ASCC3: variants seen among roughly 807,000 people sequenced by gnomAD.
ASCC3 encodes ASC-1 complex subunit P200.
ASCC3 carries 158 observed loss-of-function variants against 256.3 expected under a neutral mutation model. That is an observed-to-expected ratio of 0.62 (90% CI 0.54 to 0.70). The LOEUF (loss-of-function observed/expected upper bound fraction) is 0.70. ASCC3 is among the 30% of genes least tolerant of loss of function. ASCC3 has a pLI of 0.00. For synonymous variants in ASCC3, 948 were observed against 883.4 expected, an observed-to-expected ratio of 1.07 and a Z score of -1.30; for missense variants, 2,259 against 2,626.0, an observed-to-expected ratio of 0.86 and a Z score of 3.05.
At chr6:100,730,694 A>G (rs1181105297) in intron 10 of ASCC3, among the ~76,000 whole-genome samples, 4 of 152,128 alleles carry the variant, frequency 2.6e-5, no homozygotes, top group African/African-American at 7.2e-5. Context: ...AGTTATACTA[A>G]CCTCTGATAT....
chr6:100,530,954 G>T, intron 37 of ASCC3: 5 of 1,462,458 alleles, frequency 3.4e-6, no homozygotes, highest in Non-Finnish European at 4.8e-6. Flanking sequence ...TGCAAATCAC[G>T]TGTCTAATTA....
At chr6:100,692,895 C>T (rs1281859311) in intron 13 of ASCC3, among the ~76,000 whole-genome samples, 1 of 151,896 alleles carries the variant, frequency 6.6e-6, no homozygotes, top group African/African-American at 2.4e-5. Flanking sequence ...TAAATACCAT[C>T]TTTGAAATAC....
intron 37 of ASCC3, among the ~76,000 whole-genome samples, chr6:100,535,583 C>T (rs1289504120): frequency 6.6e-6 from 1 of 151,396 alleles, no homozygotes; most frequent in African/African-American, 2.4e-5. Flanking sequence ...AGTTCTCGGC[C>T]TCAGCCTCCC....
chr6:100,543,383 A>T (rs1775559522), intron 36 of ASCC3, among the ~76,000 whole-genome samples: 1 of 152,168 alleles, frequency 6.6e-6, no homozygotes, highest in African/African-American at 2.4e-5. Context: ...ATAGACACAG[A>T]GGACCAACTA....
At chr6:100,529,191 A>C (rs1390474424) in intron 37 of ASCC3, among the ~76,000 whole-genome samples, 1 of 151,946 alleles carries the variant, frequency 6.6e-6, no homozygotes, top group Non-Finnish European at 1.5e-5. Context: ...CCTACGCAGA[A>C]ATTATTCTAG....
intron 11 of ASCC3, among the ~76,000 whole-genome samples, chr6:100,720,824 A>G (rs1487144513): frequency 6.7e-6 from 1 of 148,362 alleles, no homozygotes; most frequent in East Asian, 2.0e-4. Context: ...TATATAATAT[A>G]TATGATATAC....
intron 36 of ASCC3, among the ~76,000 whole-genome samples, chr6:100,566,918 C>A (rs191766082): frequency 5.3e-5 from 8 of 152,192 alleles, no homozygotes; most frequent in Admixed American, 1.3e-4. Context: ...CTTCAACCCT[C>A]CACTGAAATT....
chr6:100,584,589 A>T (rs894322279), intron 36 of ASCC3, among the ~76,000 whole-genome samples: 1 of 151,754 alleles, frequency 6.6e-6, no homozygotes, highest in African/African-American at 2.4e-5. Flanking sequence ...TTACATTTAA[A>T]GTTAATATTG....
At chr6:100,816,072 A>G (rs957994405) in intron 4 of ASCC3, among the ~76,000 whole-genome samples, 5 of 152,158 alleles carry the variant, frequency 3.3e-5, no homozygotes, top group Non-Finnish European at 7.4e-5. Context: ...GCAAAAGACA[A>G]ACAATCCCAT....
chr6:100,529,665 C>T (rs1019115172), intron 37 of ASCC3, among the ~76,000 whole-genome samples: 1 of 152,050 alleles, frequency 6.6e-6, no homozygotes, highest in South Asian at 2.1e-4. Flanking sequence ...AATTTTAAAA[C>T]AAATTCTCAC....
At chr6:100,693,390 A>AG (rs1777928174) in intron 13 of ASCC3, among the ~76,000 whole-genome samples, 1 of 152,102 alleles carries the variant, frequency 6.6e-6, no homozygotes, top group Admixed American at 6.6e-5. Flanking sequence ...GAAAAAAAAA[A>AG]AGCTTTCAAA....
chr6:100,518,231 C>A, intron 37 of ASCC3, 89 bp from the exon 38 acceptor site: 1 of 1,390,784 alleles, frequency 7.2e-7, no homozygotes, highest in Non-Finnish European at 1.0e-6. Context: ...TAACAAAAAA[C>A]AAAGAAACCA....
chr6:100,817,782 G>T (rs1770826370), intron 4 of ASCC3, among the ~76,000 whole-genome samples: 1 of 151,970 alleles, frequency 6.6e-6, no homozygotes, highest in African/African-American at 2.4e-5. Context: ...TAGTAATCAA[G>T]AAACGACCCA....
chr6:100,716,856 T>C (rs943044487), intron 12 of ASCC3, among the ~76,000 whole-genome samples: 1 of 152,004 alleles, frequency 6.6e-6, no homozygotes, highest in Non-Finnish European at 1.5e-5. Flanking sequence ...GTGAAACAAC[T>C]GTCTTCTCTT....
intron 14 of ASCC3, among the ~76,000 whole-genome samples, chr6:100,670,702 C>G (rs955290073): frequency 6.6e-6 from 1 of 151,618 alleles, no homozygotes; most frequent in African/African-American, 2.4e-5. Context: ...ACATGGAGGG[C>G]CATCTGTAAC....
At chr6:100,722,247 T>C (rs1385807329) in intron 11 of ASCC3, among the ~76,000 whole-genome samples, 2 of 151,982 alleles carry the variant, frequency 1.3e-5, no homozygotes, top group South Asian at 2.1e-4. Flanking sequence ...CTTTATAGTA[T>C]AGTTTGAAGG....
intron 11 of ASCC3, among the ~76,000 whole-genome samples, chr6:100,718,933 T>G (rs7748644): frequency 0.48 from 73,365 of 151,764 alleles, 17,852 homozygotes; most frequent in South Asian, 0.69. Context: ...CATTCATTTG[T>G]TAATTAAAAT....
intron 32 of ASCC3, 27 bp downstream of exon 32, chr6:100,606,713 G>T (rs1772905244): frequency 4.4e-6 from 7 of 1,581,296 alleles, no homozygotes; most frequent in Non-Finnish European, 4.3e-6. Flanking sequence ...AGAGCTTCAT[G>T]TATTTCTGTG....
intron 38 of ASCC3, 137 bp downstream of exon 38, chr6:100,517,854 T>TCA: frequency 1.0e-6 from 1 of 976,416 alleles, no homozygotes. Flanking sequence ...TGGCCATGTC[T>TCA]CACTCTGGGA....
Sources: gnomAD v4.1 joint callset for allele counts (sites outside exome capture counted in the v4.1 genomes callset) on GRCh38, gnomAD v4.1.1 for gene constraint, MANE v1.5 for transcripts, NCBI Gene and HGNC (gene_info 2026-07-23, HGNC 2026-07-21) for gene names.